Variants in KBTBD3 observed in about 807,000 individuals in gnomAD.
KBTBD3 encodes kelch repeat and BTB domain containing 3, also known as kelch repeat and BTB domain-containing protein 3.
A neutral mutation model predicts 49.6 loss-of-function variants in KBTBD3; 38 were observed. That is an observed-to-expected ratio of 0.77 (90% CI 0.59 to 1.00). The LOEUF (loss-of-function observed/expected upper bound fraction) is 1.00, where lower values mean the gene tolerates loss of function less well. Ranked by LOEUF, KBTBD3 falls within the 50% of genes least tolerant of loss-of-function variation. KBTBD3 has a pLI of 0.00. For missense variants in KBTBD3, 661 were observed against 712.0 expected, an observed-to-expected ratio of 0.93 and a Z score of 0.81; for synonymous variants, 214 against 250.4, an observed-to-expected ratio of 0.85 and a Z score of 1.37.
chr11:106,066,137 T>A (rs1291582135), intron 2 of KBTBD3, among the ~76,000 whole-genome samples: 1 of 152,162 alleles, frequency 6.6e-6, no homozygotes, highest in Non-Finnish European at 1.5e-5. Context: ...ATTCAATATC[T>A]ACATCCACAT....
chr11:106,056,587 G>C (rs1429780808), intron 3 of KBTBD3, among the ~76,000 whole-genome samples: 2 of 152,198 alleles, frequency 1.3e-5, no homozygotes, highest in African/African-American at 2.4e-5. Context: ...AATATTAACT[G>C]AATGTAGTAG....
intron 2 of KBTBD3, among the ~76,000 whole-genome samples, chr11:106,062,074 T>C (rs1053560989): frequency 1.3e-5 from 2 of 152,126 alleles, no homozygotes; most frequent in African/African-American, 4.8e-5. Context: ...TATGTGCCTG[T>C]GTGTGCAGGA....
rs185339626 is a variant in KBTBD3, at chr11:106,074,990, T to C, written c.-13+1517A>G. Among the ~76,000 whole-genome samples the C allele has an allele frequency of 3.8e-3, 574 of 152,316 alleles. 8 individuals are homozygous for C. The highest frequency in any genetic ancestry group is 0.013 in the African/African-American group (547 of 41,562). ...TTAGTGAGTATATCTAAAAAACACC[T>C]AGACTTAGAGATGATCTCATCCGAT... On this transcript the variant is annotated intron_variant, in intron 2 of 3. Transcript: ENST00000531837.
intron 2 of KBTBD3, among the ~76,000 whole-genome samples, chr11:106,065,981 TC>T (rs1860804464): frequency 1.5e-5 from 2 of 132,250 alleles, no homozygotes; most frequent in Admixed American, 7.5e-5. Context: ...AAAAAAAAAA[TC>T]ATCAGGTGGG....
intron 2 of KBTBD3, among the ~76,000 whole-genome samples, chr11:106,061,963 T>C (rs746713536): frequency 3.2e-4 from 48 of 152,176 alleles, no homozygotes; most frequent in Non-Finnish European, 6.6e-4. Flanking sequence ...AAAGCAAATA[T>C]AAAACATTCT....
chr11:106,058,925 A>T lies in KBTBD3; in HGVS notation c.173T>A (p.Met58Lys), dbSNP rs779609403. ...ATGACACGGGATTATTTCATCTTTC[A>T]TAATTATTTTGAAATCATAAAAGAC... ...QNVFYDFKII[M>K]KDEIIPCHRC... The change falls in exon 3 of 4, where the codon ATG becomes AAG. Residue 58 changes from methionine (M) to lysine (K), a missense_variant. Physicochemically the swap from Met to Lys is moderately conservative, Grantham distance 95. Coordinates refer to ENST00000531837, the MANE Select transcript of KBTBD3 (RefSeq NM_198439.3). The T allele has an allele frequency of 6.3e-7, 1 of 1,575,028 alleles. No individual in the cohort carries two copies. Among genetic ancestry groups the T allele is most frequent in the Non-Finnish European group, 8.6e-7 (1 of 1,168,254 alleles).
chr11:106,056,295 A>G (rs1354342267), intron 3 of KBTBD3, among the ~76,000 whole-genome samples: 3 of 152,220 alleles, frequency 2.0e-5, no homozygotes, highest in Non-Finnish European at 4.4e-5. Context: ...TTTGTTATTT[A>G]AACCAGGTAG....
rs767754614 is a variant in KBTBD3 at position 106,053,480 on chromosome 11, A to G, written c.1209T>C (p.Asp403=). 1.9e-6 allele frequency: 3 copies of G among 1,613,638 alleles called. No individual in the cohort carries two copies. The highest frequency in any genetic ancestry group is 2.7e-5 in the African/African-American group (2 of 74,894). ...RTMHTSVMAL[D]RLFVIGGKTR... ...TTTTTCCACCTATGACAAATAATCT[A>G]TCGAGAGCCATAACTGATGTATGCA... The change falls in exon 4 of 4, where the codon GAT becomes GAC. Residue 403 remains aspartate, a synonymous_variant. Transcript: ENST00000531837.
At chr11:106,059,202 A>C (rs889741552) in intron 2 of KBTBD3, 93 bp from the exon 3 acceptor site, 1 of 616,242 alleles carries the variant, frequency 1.6e-6, no homozygotes, top group Non-Finnish European at 2.8e-6. Context: ...ACACAAAAAT[A>C]ACCACTAAGA....
chr11:106,075,469 G>T (rs1260816043), intron 2 of KBTBD3: 1 of 152,130 alleles, frequency 6.6e-6, no homozygotes, highest in Non-Finnish European at 1.5e-5. Flanking sequence ...ATTCTATTTT[G>T]CAAGATAACA....
In KBTBD3 at chr11:106,054,349, T is replaced by G. The variant is rs758984525; in HGVS notation, c.340A>C (p.Lys114Gln). The G allele has an allele frequency of 4.0e-5, 65 of 1,613,172 alleles. 1 individual carries two copies. The South Asian group carries it at 6.6e-4, about 16-fold the overall frequency. The part of the protein sequence containing the change: ...KAFLDYAYTG[K>Q]TKITDDNVEM... The stretch of plus-strand genomic sequence containing the variant: ...ACATTATCATCTGTTATTTTTGTTT[T>G]TCCAGTATAGGCATAATCGAGAAAT... The change falls in exon 4 of 4, where the codon AAA becomes CAA. Residue 114 changes from lysine to glutamine, a missense_variant. Physicochemically the swap from Lys to Gln is moderately conservative, Grantham distance 53 (BLOSUM62 1). Transcript: ENST00000531837.
chr11:106,058,952 T>C lies in KBTBD3; in HGVS notation c.146A>G (p.Asn49Ser). 1 of 1,568,938 alleles carries C rather than the reference T, an allele frequency of 6.4e-7. No individual in the cohort carries two copies. ...AATTATTTTGAAATCATAAAAGACA[T>C]TTTGTTCTCTAAAATTCTGTAGTAC... ...LSVLQNFREQ[N>S]VFYDFKIIMK... Residue 49 changes from asparagine (N) to serine (S), a missense_variant, in exon 3 of 4, where the codon AAT becomes AGT. Physicochemically the swap from Asn to Ser is conservative, Grantham distance 46. Coordinates refer to ENST00000531837, the MANE Select transcript of KBTBD3 (RefSeq NM_198439.3).
In KBTBD3 at chr11:106,052,412, A is replaced by G. The variant is rs1860437183; in HGVS notation, c.*438T>C. 1 of 153,594 alleles carries G rather than the reference A, an allele frequency of 6.5e-6. No homozygotes were observed. Among genetic ancestry groups the G allele is most frequent in the African/African-American group, 2.4e-5 (1 of 41,470 alleles). 9.5% of individuals were successfully genotyped at this position (153,594 alleles called of 1,614,324 possible). ...AAGGGTACCTAAAAGAAGTTAACCA[A>G]TCATCACAAATGATAGGAATTCAAC... is the stretch of plus-strand genomic sequence containing the variant. On this transcript the variant is annotated 3_prime_UTR_variant, in exon 4 of 4. Transcript: ENST00000531837.
chr11:106,059,610 T>C (rs1026800480), intron 2 of KBTBD3, among the ~76,000 whole-genome samples: 12 of 152,204 alleles, frequency 7.9e-5, no homozygotes, highest in African/African-American at 2.9e-4. Context: ...AAGATCAGTG[T>C]TAGATTGCAT....
intron 2 of KBTBD3, among the ~76,000 whole-genome samples, chr11:106,068,177 T>A (rs542473103): frequency 6.6e-6 from 1 of 152,090 alleles, no homozygotes; most frequent in African/African-American, 2.4e-5. Context: ...CTCTTCTCTC[T>A]AAAATTAATA....
intron 2 of KBTBD3, among the ~76,000 whole-genome samples, chr11:106,069,601 A>T (rs1282602869): frequency 1.3e-5 from 2 of 152,032 alleles, no homozygotes; most frequent in African/African-American, 2.4e-5. Flanking sequence ...TGCTAAAAAA[A>T]AAAATAAAAG....
At chr11:106,054,642 C>A (rs1479092795) in intron 3 of KBTBD3, among the ~76,000 whole-genome samples, 187 bp from the exon 4 acceptor site, 4 of 151,380 alleles carry the variant, frequency 2.6e-5, no homozygotes, top group Non-Finnish European at 4.4e-5. Context: ...AAACATATTA[C>A]AAAATGCCTA....
At chr11:106,072,738 C>T (rs1457235939) in intron 2 of KBTBD3, among the ~76,000 whole-genome samples, 3 of 152,146 alleles carry the variant, frequency 2.0e-5, no homozygotes, top group Non-Finnish European at 1.5e-5. Context: ...CTGGGTCCTA[C>T]AGTGATCTTA....
chr11:106,064,471 G>C (rs1468164465), intron 2 of KBTBD3, among the ~76,000 whole-genome samples: 5 of 151,696 alleles, frequency 3.3e-5, no homozygotes, highest in South Asian at 4.2e-4. Context: ...TTGAGCCTGG[G>C]AGGCAGAGGT....
Sources: gnomAD v4.1 joint callset for allele counts (sites outside exome capture counted in the v4.1 genomes callset) on GRCh38, gnomAD v4.1.1 for gene constraint, MANE v1.5 for transcripts, NCBI Gene and HGNC (gene_info 2026-07-23, HGNC 2026-07-21) for gene names.